Variants in L3MBTL4 observed in about 807,000 individuals in gnomAD.
L3MBTL4 encodes L3MBTL histone methyl-lysine binding protein 4.
L3MBTL4 carries 70 observed loss-of-function variants against 84.5 expected under a neutral mutation model. The observed-to-expected ratio is 0.83, with a 90% CI of 0.68 to 1.01. L3MBTL4 has a LOEUF of 1.01. Ranked by LOEUF, L3MBTL4 falls within the 50% of genes least tolerant of loss-of-function variation. The pLI is 0.00. For missense variants in L3MBTL4, 715 were observed against 754.8 expected (o/e 0.95, Z 0.62); for synonymous variants, 274 against 259.8 (o/e 1.05, Z -0.52).
At chr18:6,400,930 T>G (rs971737513) in intron 1 of L3MBTL4, among the ~76,000 whole-genome samples, 5 of 152,206 alleles carry the variant, frequency 3.3e-5, no homozygotes, top group African/African-American at 1.2e-4. Context: ...TGTTCTCTTC[T>G]TGAGCACTGC....
At chr18:5,962,993 C>T (rs2052137120) in intron 17 of L3MBTL4, among the ~76,000 whole-genome samples, 1 of 152,196 alleles carries the variant, frequency 6.6e-6, no homozygotes, top group Non-Finnish European at 1.5e-5. Flanking sequence ...TGCCAAATGC[C>T]CCTGGGGGGC....
chr18:6,318,517 A>AAAAAAAAAAAAAAAC (rs1568484470), intron 1 of L3MBTL4, among the ~76,000 whole-genome samples: 2 of 146,302 alleles, frequency 1.4e-5, no homozygotes, highest in African/African-American at 5.1e-5. Context: ...AAAAAAAAAA[A>AAAAAAAAAAAAAAAC]AAAAAAAAGA....
At chr18:6,385,900 T>C (rs2054796766) in intron 1 of L3MBTL4, among the ~76,000 whole-genome samples, 1 of 152,176 alleles carries the variant, frequency 6.6e-6, no homozygotes, top group Non-Finnish European at 1.5e-5. Flanking sequence ...AACCTGTCTC[T>C]AAACTTGAGC....
chr18:6,244,879 C>G (rs1188447074), intron 5 of L3MBTL4, among the ~76,000 whole-genome samples: 1 of 152,130 alleles, frequency 6.6e-6, no homozygotes, highest in African/African-American at 2.4e-5. Context: ...ACATCACTGT[C>G]TACCCCAGGG....
chr18:6,138,048 T>G (rs1212701138), intron 14 of L3MBTL4, 146 bp downstream of exon 14: 1 of 539,232 alleles, frequency 1.9e-6, no homozygotes, highest in Non-Finnish European at 3.3e-6. Flanking sequence ...GAGGAAAATG[T>G]CAAGGAAAGG....
chr18:6,072,285 G>T (rs754011458), intron 16 of L3MBTL4, among the ~76,000 whole-genome samples: 1 of 151,864 alleles, frequency 6.6e-6, no homozygotes. Flanking sequence ...AAGATCTAAC[G>T]GTATGATTAA....
intron 16 of L3MBTL4, among the ~76,000 whole-genome samples, chr18:6,032,932 T>A (rs1326580108): frequency 2.0e-5 from 3 of 152,200 alleles, no homozygotes; most frequent in Non-Finnish European, 4.4e-5. Flanking sequence ...TTTGACTTAA[T>A]TTGTGACCTA....
chr18:6,378,396 G>A (rs1020808724), intron 1 of L3MBTL4, among the ~76,000 whole-genome samples: 2 of 152,150 alleles, frequency 1.3e-5, no homozygotes, highest in African/African-American at 2.4e-5. Context: ...CTTTGCCCAT[G>A]CCTATGTCCT....
intron 16 of L3MBTL4, among the ~76,000 whole-genome samples, chr18:6,065,974 T>C (rs528171659): frequency 9.2e-5 from 14 of 152,216 alleles, no homozygotes; most frequent in African/African-American, 3.4e-4. Flanking sequence ...GTTTCAGACT[T>C]TTTGATGTAC....
intron 1 of L3MBTL4, among the ~76,000 whole-genome samples, chr18:6,318,472 A>C (rs899537035): frequency 6.7e-6 from 1 of 149,202 alleles, no homozygotes; most frequent in African/African-American, 2.5e-5. Flanking sequence ...ATCAGATAAA[A>C]CAGACTTTCA....
At chr18:6,209,445 C>CAAAAAAAAAAAAAAAAA (rs60613997) in intron 12 of L3MBTL4, among the ~76,000 whole-genome samples, 2 of 113,990 alleles carry the variant, frequency 1.8e-5, no homozygotes, top group African/African-American at 6.1e-5. Flanking sequence ...ACTAAACTGG[C>CAAAAAAAAAAAAAAAAA]AAAAAAAAAA....
At chr18:6,041,860 G>T (rs941370349) in intron 16 of L3MBTL4, among the ~76,000 whole-genome samples, 1 of 151,982 alleles carries the variant, frequency 6.6e-6, no homozygotes, top group Admixed American at 6.6e-5. Context: ...GAGTAGCTGG[G>T]ACTATAGGTG....
intron 16 of L3MBTL4, among the ~76,000 whole-genome samples, chr18:6,044,619 T>C (rs576712009): frequency 7.9e-5 from 12 of 151,592 alleles, no homozygotes; most frequent in African/African-American, 2.9e-4. Context: ...AGTTTCTCCA[T>C]GGTTAAAAGA....
At chr18:6,003,063 T>C (rs2054290662) in intron 16 of L3MBTL4, among the ~76,000 whole-genome samples, 2 of 112,018 alleles carry the variant, frequency 1.8e-5, no homozygotes, top group African/African-American at 6.9e-5. Flanking sequence ...ATATAGTATC[T>C]CTATTTATAG....
intron 16 of L3MBTL4, among the ~76,000 whole-genome samples, chr18:6,007,195 C>T (rs553553186): frequency 3.0e-4 from 46 of 151,708 alleles, no homozygotes; most frequent in African/African-American, 1.1e-3. Flanking sequence ...AAACCATTTG[C>T]GACTCATATC....
At chr18:6,096,844 T>C (rs544623683) in intron 14 of L3MBTL4, among the ~76,000 whole-genome samples, 12 of 152,272 alleles carry the variant, frequency 7.9e-5, no homozygotes, top group Admixed American at 1.3e-4. Flanking sequence ...CAGTGTCTGA[T>C]TGGTAGGGAG....
intron 13 of L3MBTL4, among the ~76,000 whole-genome samples, chr18:6,159,067 C>T (rs757986913): frequency 8.5e-5 from 13 of 152,162 alleles, no homozygotes; most frequent in Admixed American, 2.0e-4. Flanking sequence ...TCACTGCAGG[C>T]GACCCAGGTA....
chr18:6,252,806 G>A (rs772802341), intron 5 of L3MBTL4, among the ~76,000 whole-genome samples: 3 of 152,222 alleles, frequency 2.0e-5, no homozygotes, highest in African/African-American at 4.8e-5. Flanking sequence ...TAGAAAGGTG[G>A]CAAGACTAGA....
chr18:6,030,021 G>C, intron 16 of L3MBTL4: 2 of 985,388 alleles, frequency 2.0e-6, no homozygotes, highest in Non-Finnish European at 2.4e-6. Flanking sequence ...GGCAGGGACT[G>C]GTCACTTATA....
Sources: gnomAD v4.1 joint callset for allele counts (sites outside exome capture counted in the v4.1 genomes callset) on GRCh38, gnomAD v4.1.1 for gene constraint, MANE v1.5 for transcripts, NCBI Gene and HGNC (gene_info 2026-07-23, HGNC 2026-07-21) for gene names.